Variants in RTN4 observed in about 807,000 individuals in gnomAD.
RTN4 encodes reticulon-4.
A neutral mutation model predicts 90.4 loss-of-function variants in RTN4; 32 were observed. That is an observed-to-expected ratio of 0.35 (90% CI 0.27 to 0.48). The LOEUF (loss-of-function observed/expected upper bound fraction) is 0.48, where lower values mean the gene tolerates loss of function less well. Among genes scored for constraint, RTN4 ranks in the 20% least tolerant of loss-of-function variants. RTN4 has a pLI of 0.99. For missense variants in RTN4, 1,706 were observed against 1,430.2 expected (o/e 1.19, Z -3.11); for synonymous variants, 629 against 552.5 (o/e 1.14, Z -1.94).
chr2:55,078,189 AT>A (rs1196030561), intron 2 of RTN4, among the ~76,000 whole-genome samples: 2 of 152,156 alleles, frequency 1.3e-5, no homozygotes, highest in African/African-American at 4.8e-5. Flanking sequence ...TAAAAAAAAA[AT>A]TTAAAAGAAA....
chr2:55,118,280 C>T, the RTN4 span, among the ~76,000 whole-genome samples: 2 of 152,078 alleles, frequency 1.3e-5, no homozygotes, highest in Non-Finnish European at 2.9e-5. Context: ...GCCTGAGCAA[C>T]ATACTGGGAC....
chr2:55,071,538 G>T (rs1192786210), intron 2 of RTN4, among the ~76,000 whole-genome samples: 2 of 61,594 alleles, frequency 3.2e-5, no homozygotes, highest in South Asian at 5.9e-4. Context: ...GGCACCATTT[G>T]CCATCAAAAA....
intron 5 of RTN4, 116 bp downstream of exon 5, chr2:54,982,399 A>G (rs1207235014): frequency 5.7e-6 from 5 of 879,222 alleles, no homozygotes; most frequent in Non-Finnish European, 8.5e-6. Context: ...GTTTACAGCC[A>G]TGTGATTTAA....
At chr2:55,039,333 CAG>C (rs1008802337) in intron 1 of RTN4, among the ~76,000 whole-genome samples, 2 of 151,726 alleles carry the variant, frequency 1.3e-5, no homozygotes, top group Non-Finnish European at 2.9e-5. Flanking sequence ...AAATAAATTG[CAG>C]AGAGAGAGAG....
intron 2 of RTN4, among the ~76,000 whole-genome samples, chr2:55,058,419 G>A (rs539075501): frequency 1.3e-4 from 20 of 152,306 alleles, no homozygotes; most frequent in Non-Finnish European, 2.2e-4. Flanking sequence ...AATGTTAAAT[G>A]TACCACACAA....
intron 1 of RTN4, among the ~76,000 whole-genome samples, chr2:55,097,021 CT>C (rs1667744382): frequency 6.6e-6 from 1 of 151,532 alleles, no homozygotes; most frequent in African/African-American, 2.4e-5. Flanking sequence ...GGCCCCAGTA[CT>C]TAGGGGAGAT....
intron 5 of RTN4, among the ~76,000 whole-genome samples, chr2:54,975,090 T>C (rs548380161): frequency 6.6e-6 from 1 of 152,248 alleles, no homozygotes; most frequent in South Asian, 2.1e-4. Flanking sequence ...ACTATAAAGG[T>C]GTTATGAGAA....
chr2:55,129,771 T>C, the RTN4 span, among the ~76,000 whole-genome samples: 1 of 152,056 alleles, frequency 6.6e-6, no homozygotes, highest in Non-Finnish European at 1.5e-5. Flanking sequence ...CCGTGTTAGC[T>C]AGGATGGTCT....
At chr2:54,981,523 A>G in intron 5 of RTN4, among the ~76,000 whole-genome samples, 1 of 152,210 alleles carries the variant, frequency 6.6e-6, no homozygotes, top group Non-Finnish European at 1.5e-5. Flanking sequence ...GCAGAGTCAC[A>G]GGAAAGAGCA....
In RTN4 at chr2:55,025,467, T is replaced by G; in HGVS notation, c.2632A>C (p.Lys878Gln). 3.1e-6 allele frequency: 5 copies of G among 1,613,834 alleles called. No homozygotes were observed. The highest frequency in any genetic ancestry group is 4.2e-6 in the Non-Finnish European group (5 of 1,179,844). The change falls in exon 3 of 9, where the codon AAA becomes CAA. Residue 878 changes from lysine (K) to glutamine (Q), a missense_variant. Physicochemically the swap from Lys to Gln is moderately conservative, Grantham distance 53. Coordinates refer to ENST00000337526, the MANE Select transcript of RTN4 (RefSeq NM_020532.5). Reference protein sequence around the residue: ...IDEFPTLISSKTDSFSKLARE... With the variant: ...IDEFPTLISSQTDSFSKLARE... ...GCTAATTTAGAAAATGAATCAGTTT[T>G]AGAACTGATCAATGTAGGGAACTCA...
rs886143135 is a variant in RTN4, at chr2:54,978,612, T to C, written c.3361-3848A>G. Among the ~76,000 whole-genome samples, 8 of 152,128 alleles carry C rather than the reference T, an allele frequency of 5.3e-5. No individual in the cohort carries two copies. The East Asian group carries it at 1.5e-3, about 29-fold the overall frequency. On this transcript the variant is annotated intron_variant, in intron 5 of 8. Transcript: ENST00000337526. ...TTGTAAACACAGAGCTTGATAAAAA[T>C]GTCTTTTCTAAATGACAAAAATTTA...
chr2:55,018,212 T>A (rs1263693722), intron 3 of RTN4, among the ~76,000 whole-genome samples: 1 of 152,194 alleles, frequency 6.6e-6, no homozygotes, highest in Non-Finnish European at 1.5e-5. Flanking sequence ...AGAGTGCTTG[T>A]TGGTCAGAAG....
chr2:55,014,890 A>T (rs780328733), intron 3 of RTN4, among the ~76,000 whole-genome samples: 2 of 152,094 alleles, frequency 1.3e-5, no homozygotes, highest in Non-Finnish European at 2.9e-5. Flanking sequence ...TTAAACTTTA[A>T]TGTCTTCATT....
upstream of RTN4, among the ~76,000 whole-genome samples, chr2:55,112,942 G>C (rs985136153): frequency 6.6e-6 from 1 of 152,166 alleles, no homozygotes; most frequent in East Asian, 1.9e-4. Context: ...TACAAAGATG[G>C]AAAAATTGCT....
intron 3 of RTN4, among the ~76,000 whole-genome samples, chr2:55,007,559 A>C (rs1434895413): frequency 6.6e-6 from 1 of 152,150 alleles, no homozygotes. Context: ...TAAGTTTCTT[A>C]TTCTAGCCAA....
At chr2:55,057,189 C>T (rs1368274466) in intron 2 of RTN4, among the ~76,000 whole-genome samples, 1 of 152,198 alleles carries the variant, frequency 6.6e-6, no homozygotes, top group Non-Finnish European at 1.5e-5. Flanking sequence ...AACTAAATAA[C>T]CATACAGTGG....
chr2:55,097,784 G>C (rs1238825596), intron 1 of RTN4, among the ~76,000 whole-genome samples: 1 of 152,036 alleles, frequency 6.6e-6, no homozygotes, highest in Non-Finnish European at 1.5e-5. Context: ...ACTTGAACAG[G>C]CTGTTCTGGA....
the RTN4 span, among the ~76,000 whole-genome samples, chr2:55,130,611 C>T: frequency 6.6e-6 from 1 of 152,092 alleles, no homozygotes; most frequent in Non-Finnish European, 1.5e-5. Context: ...ATTAGCCAGG[C>T]ATGGTGGTGC....
chr2:55,106,364 G>T (rs1667943288), intron 1 of RTN4, among the ~76,000 whole-genome samples: 1 of 151,608 alleles, frequency 6.6e-6, no homozygotes. Flanking sequence ...ATCTTCTATT[G>T]CATCACACTG....
Sources: allele counts gnomAD v4.1 joint callset (sites outside exome capture counted in the v4.1 genomes callset), GRCh38; gene constraint gnomAD v4.1.1; transcripts MANE v1.5; gene names NCBI Gene and HGNC (gene_info 2026-07-23, HGNC 2026-07-21).